KCNA2: variants seen among roughly 807,000 people sequenced by gnomAD.
The protein encoded by KCNA2 is potassium voltage-gated channel subfamily A member 2.
Under a neutral mutation model 33.4 loss-of-function variants are expected in KCNA2, and 11 were observed. The observed-to-expected ratio is 0.33, with a 90% CI of 0.21 to 0.55. The LOEUF (loss-of-function observed/expected upper bound fraction) is 0.55. Among genes scored for constraint, KCNA2 ranks in the 20% least tolerant of loss-of-function variants. KCNA2 has a pLI of 0.93. For missense variants in KCNA2, 291 were observed against 621.6 expected (o/e 0.47, Z 5.66); for synonymous variants, 222 against 231.3 (o/e 0.96, Z 0.37).
In KCNA2 at chr1:110,604,485, G is replaced by A. The variant is rs1649509389; in HGVS notation, c.298C>T (p.Arg100Ter). 1.2e-6 allele frequency: 2 copies of A among 1,614,136 alleles called. No individual in the cohort carries two copies. The highest frequency in any genetic ancestry group is 1.7e-6 in the Non-Finnish European group (2 of 1,180,032). Reference sequence around the variant, plus strand: ...ATATCTAAGGGCACATTCACAGGTCGCCTCAATCGGCCCCCTGACTGGTAG... The same window carrying A: ...ATATCTAAGGGCACATTCACAGGTCACCTCAATCGGCCCCCTGACTGGTAG... ...YYYQSGGRLR[R>*]PVNVPLDIFS... The change falls in exon 3 of 3, where the codon CGA becomes TGA. Residue 100 changes from arginine (R) to a stop codon, truncating the protein, a stop_gained. Coordinates refer to ENST00000316361, the MANE Select transcript of KCNA2 (RefSeq NM_004974.4). LOFTEE classifies it high-confidence loss of function. This position sits in a 1 kb window ranked among gnomAD's most constrained non-coding sequence, Gnocchi z 7.6.
In KCNA2 at chr1:110,595,157, A is replaced by T. The variant is rs184441291; in HGVS notation, c.*8126T>A. On this transcript the variant is annotated 3_prime_UTR_variant, in exon 3 of 3. Transcript: ENST00000316361. The stretch of plus-strand genomic sequence containing the variant: ...CACAGCCACATCTACACTGCCCTCA[A>T]TGATCTAGATGTTGCAGTAGCTGTC... 248 of 985,282 alleles carry T rather than the reference A, an allele frequency of 2.5e-4. No homozygotes were observed. The highest frequency in any genetic ancestry group is 3.0e-4 in the Non-Finnish European group (245 of 829,920). 61.0% of individuals were successfully genotyped at this position (985,282 alleles called of 1,614,324 possible). A position where few individuals can be genotyped will look rare whatever the true frequency, so the allele number is the denominator to read the frequency against.
intron 1 of KCNA2, among the ~76,000 whole-genome samples, chr1:110,623,763 C>T (rs766128151): frequency 1.4e-4 from 21 of 151,990 alleles, no homozygotes; most frequent in Non-Finnish European, 2.5e-4. Flanking sequence ...TTCTATAACT[C>T]AGTAAAAAAG....
At position 110,594,908 on chromosome 1, in the gene KCNA2, A is replaced by G. The variant is rs1649031801; in HGVS notation, c.*8375T>C. ...AAAAAGGCAGTAATGTTAGCAGCTG[A>G]CATGGAAATTGTTTGGTAGCAAAGT... On this transcript the variant is annotated 3_prime_UTR_variant, in exon 3 of 3. Transcript: ENST00000316361. 1.0e-6 allele frequency: 1 copy of G among 985,336 alleles called. No homozygotes were observed. The highest frequency in any genetic ancestry group is 1.7e-5 in the African/African-American group (1 of 57,246). 61.0% of individuals were successfully genotyped at this position (985,336 alleles called of 1,614,324 possible). A position where few individuals can be genotyped will look rare whatever the true frequency, so the allele number is the denominator to read the frequency against.
chr1:110,595,835 G>A lies in KCNA2; in HGVS notation c.*7448C>T. ...CAGAGATGTGCTTTAGTTCTTCATT[G>A]GAATGTTACTTTCAGATCTCACAAA... On this transcript the variant is annotated 3_prime_UTR_variant, in exon 3 of 3. Coordinates refer to ENST00000316361, the MANE Select transcript of KCNA2 (RefSeq NM_004974.4). 11 of 985,404 alleles carry A rather than the reference G, an allele frequency of 1.1e-5. No homozygotes were observed. The highest frequency in any genetic ancestry group is 1.3e-5 in the Non-Finnish European group (11 of 829,918). 61.0% of individuals were successfully genotyped at this position (985,404 alleles called of 1,614,324 possible).
chr1:110,600,060 T>C lies in KCNA2; in HGVS notation c.*3223A>G, dbSNP rs1050991321. ...GAAATCTGGTAGTGAGAGAAAAGAA[T>C]AGAGAAAGAGATTCCTTGAAAGATC... On this transcript the variant is annotated 3_prime_UTR_variant, in exon 3 of 3. Transcript: ENST00000316361. 1.5e-4 allele frequency: 150 copies of C among 983,808 alleles called. No individual in the cohort carries two copies. Among genetic ancestry groups the C allele is most frequent in the Non-Finnish European group, 1.7e-4 (144 of 829,852 alleles). The allele number at this position is 983,808 out of a possible 1,614,324, so 60.9% of individuals were successfully genotyped here.
chr1:110,599,828 T>C lies in KCNA2; in HGVS notation c.*3455A>G. The C allele has an allele frequency of 1.0e-6, 1 of 985,492 alleles. No homozygotes were observed. Among genetic ancestry groups the C allele is most frequent in the African/African-American group, 1.7e-5 (1 of 57,328 alleles). The allele number at this position is 985,492 out of a possible 1,614,324, so 61.0% of individuals were successfully genotyped here. On this transcript the variant is annotated 3_prime_UTR_variant, in exon 3 of 3. Coordinates refer to ENST00000316361, the MANE Select transcript of KCNA2 (RefSeq NM_004974.4). ...TGGGCTATTGGGTTGTCTGTGCGGATTTGCTGGAAGGAAGGAAGGGTCATG... is the reference window on the plus strand; with the variant it reads ...TGGGCTATTGGGTTGTCTGTGCGGACTTGCTGGAAGGAAGGAAGGGTCATG...
chr1:110,619,906 C>T (rs1650195527), intron 1 of KCNA2, among the ~76,000 whole-genome samples: 1 of 152,132 alleles, frequency 6.6e-6, no homozygotes, highest in Non-Finnish European at 1.5e-5. Context: ...CTCAGCCCTC[C>T]CCTGGACAGC....
chr1:110,594,763 C>G lies in KCNA2; in HGVS notation c.*8520G>C, dbSNP rs530990299. ...ACCCTCAGGAGCTGAGACTCACCCC[C>G]GCCAAAGCCAGCCAGGCCTCTCTTC... On this transcript the variant is annotated 3_prime_UTR_variant, in exon 3 of 3. Coordinates refer to ENST00000316361, the MANE Select transcript of KCNA2 (RefSeq NM_004974.4). 6 of 985,466 alleles carry G rather than the reference C, an allele frequency of 6.1e-6. No individual in the cohort carries two copies. The highest frequency in any genetic ancestry group is 7.2e-6 in the Non-Finnish European group (6 of 829,994). The allele number at this position is 985,466 out of a possible 1,614,324, so 61.0% of individuals were successfully genotyped here.
At chr1:110,630,316 C>T (rs1224151622) in intron 1 of KCNA2, among the ~76,000 whole-genome samples, 6 of 152,134 alleles carry the variant, frequency 3.9e-5, no homozygotes, top group South Asian at 4.1e-4. Context: ...CCACCACACC[C>T]GGCCAGTGCT....
At chr1:110,615,562 C>G (rs1650022021) in intron 1 of KCNA2, among the ~76,000 whole-genome samples, 1 of 152,208 alleles carries the variant, frequency 6.6e-6, no homozygotes, top group South Asian at 2.1e-4. Flanking sequence ...TCTTTGCCAC[C>G]AGATGTTCCG....
rs562780628 is a variant in KCNA2 at position 110,620,147 on chromosome 1, T to C, written c.-496+11248A>G. Among the ~76,000 whole-genome samples, 49 of 150,718 alleles carry C rather than the reference T, an allele frequency of 3.3e-4. No individual in the cohort carries two copies. The South Asian group carries it at 9.4e-3, about 29-fold the overall frequency. On this transcript the variant is annotated intron_variant, in intron 1 of 4. Coordinates refer to the KCNA2 transcript ENST00000369770. ...AAGACTTCTCAGCCCCCAGACCAAATTGGATATCCCTAACATACCCCTGTC... is the reference window on the plus strand; with the variant it reads ...AAGACTTCTCAGCCCCCAGACCAAACTGGATATCCCTAACATACCCCTGTC...
chr1:110,611,950 C>T (rs776967285), intron 1 of KCNA2, among the ~76,000 whole-genome samples: 6 of 152,050 alleles, frequency 3.9e-5, no homozygotes, highest in South Asian at 2.1e-4. Flanking sequence ...TGAGCCCCAG[C>T]GCGGTGGAGG....
chr1:110,602,079 G>A lies in KCNA2; in HGVS notation c.*1204C>T, dbSNP rs115258190. The A allele has an allele frequency of 5.6e-4, 872 of 1,550,478 alleles. 6 individuals carry two copies. In the African/African-American group the frequency reaches 9.7e-3, roughly 17 times the overall value. On this transcript the variant is annotated 3_prime_UTR_variant, in exon 3 of 3. Coordinates refer to ENST00000316361, the MANE Select transcript of KCNA2 (RefSeq NM_004974.4). Reference sequence around the variant, plus strand: ...CCTGGTCCACTGTACAGTCATGCCCGCGACTAGGTTAATTCCTAAGGTGCA... The same window carrying A: ...CCTGGTCCACTGTACAGTCATGCCCACGACTAGGTTAATTCCTAAGGTGCA...
chr1:110,622,978 G>T (rs1324755934), intron 1 of KCNA2, among the ~76,000 whole-genome samples: 1 of 152,136 alleles, frequency 6.6e-6, no homozygotes, highest in Admixed American at 6.5e-5. Context: ...GACAAATTGA[G>T]CTATACAATA....
chr1:110,612,108 T>A (rs1326334108), intron 1 of KCNA2, among the ~76,000 whole-genome samples: 1 of 152,096 alleles, frequency 6.6e-6, no homozygotes, highest in Non-Finnish European at 1.5e-5. Context: ...GAGCTGCTGC[T>A]CTGGTTCAAG....
At chr1:110,613,378 T>G (rs1045083866) in intron 1 of KCNA2, among the ~76,000 whole-genome samples, 4 of 152,230 alleles carry the variant, frequency 2.6e-5, no homozygotes, top group African/African-American at 9.6e-5. Context: ...CTTCTGCCCT[T>G]GCATACTGGT....
intron 1 of KCNA2, among the ~76,000 whole-genome samples, chr1:110,624,213 T>G (rs143401039): frequency 1.3e-5 from 2 of 152,346 alleles, no homozygotes; most frequent in Admixed American, 6.5e-5. Context: ...GCAGGAATAG[T>G]CAATATAGCT....
rs1246925002 is a variant in KCNA2 at position 110,603,932 on chromosome 1, C to A, written c.851G>T (p.Gly284Val). The A allele has an allele frequency of 6.2e-7, 1 of 1,614,184 alleles. No individual in the cohort carries two copies. Among genetic ancestry groups the A allele is most frequent in the Non-Finnish European group, 8.5e-7 (1 of 1,180,034 alleles). ...LAEKPEDAQQGQQAMSLAILR... is the reference protein window; with the variant it reads ...LAEKPEDAQQVQQAMSLAILR... ...GATGGCCAGTGACATGGCCTGCTGG[C>A]CTTGCTGAGCGTCCTCTGGCTTCTC... The change falls in exon 3 of 3, where the codon GGC becomes GTC. Residue 284 changes from glycine to valine, a missense_variant. Coordinates refer to ENST00000316361, the MANE Select transcript of KCNA2 (RefSeq NM_004974.4). The surrounding 1 kb of genome is among the most constrained non-coding windows in gnomAD (Gnocchi z 5.7).
chr1:110,599,395 C>A lies in KCNA2; in HGVS notation c.*3888G>T. On this transcript the variant is annotated 3_prime_UTR_variant, in exon 3 of 3. Transcript: ENST00000316361. ...TTAGCCTTAGATGTATGTTCTTAAT[C>A]ACTTTTTACTTAAGCTGAACTGGGT... The A allele has an allele frequency of 1.0e-6, 1 of 985,402 alleles. No individual in the cohort carries two copies. Among genetic ancestry groups the A allele is most frequent in the Non-Finnish European group, 1.2e-6 (1 of 829,926 alleles). 61.0% of individuals were successfully genotyped at this position (985,402 alleles called of 1,614,324 possible).
Sources: allele counts gnomAD v4.1 joint callset (sites outside exome capture counted in the v4.1 genomes callset), GRCh38; gene constraint gnomAD v4.1.1; non-coding constraint Gnocchi (gnomAD v3.1); transcripts MANE v1.5; gene names NCBI Gene and HGNC (gene_info 2026-07-23, HGNC 2026-07-21).